FHOD3: variants seen among roughly 807,000 people sequenced by gnomAD.
FHOD3 encodes the protein FH1/FH2 domain-containing protein 3.
FHOD3 carries 90 observed loss-of-function variants against 173.0 expected under a neutral mutation model. That is an observed-to-expected ratio of 0.52 (90% CI 0.44 to 0.62). FHOD3 has a LOEUF of 0.62. Among genes scored for constraint, FHOD3 ranks in the 20% least tolerant of loss-of-function variants. The pLI is 0.00. For missense variants in FHOD3, 1,945 were observed against 2,034.7 expected (o/e 0.96, Z 0.85); for synonymous variants, 828 against 823.0 (o/e 1.01, Z -0.10).
chr18:36,576,644 T>C (rs1469856040), intron 6 of FHOD3, 99 bp downstream of exon 6: 1 of 882,124 alleles, frequency 1.1e-6, no homozygotes, highest in East Asian at 2.7e-5. Context: ...TTTATTCAGC[T>C]TTTTTCAAGC....
At chr18:36,312,696 CA>C (rs1281840031) in intron 1 of FHOD3, among the ~76,000 whole-genome samples, 2 of 152,122 alleles carry the variant, frequency 1.3e-5, no homozygotes, top group Non-Finnish European at 2.9e-5. Context: ...GGAAAGTGCT[CA>C]ATAAATATTT....
chr18:36,368,101 T>TTCTC (rs146735866), intron 2 of FHOD3, among the ~76,000 whole-genome samples: 24 of 149,338 alleles, frequency 1.6e-4, no homozygotes, highest in Non-Finnish European at 1.9e-4. Flanking sequence ...CCAGCTCCTA[T>TTCTC]TCTCTCTCTC....
chr18:36,647,277 AT>A (rs562202965), intron 10 of FHOD3, among the ~76,000 whole-genome samples: 1 of 152,212 alleles, frequency 6.6e-6, no homozygotes, highest in East Asian at 1.9e-4. Context: ...AAAAAAATTC[AT>A]TTTTTTAATG....
intron 3 of FHOD3, among the ~76,000 whole-genome samples, chr18:36,451,528 C>T (rs2051843267): frequency 1.3e-5 from 2 of 152,256 alleles, no homozygotes; most frequent in Non-Finnish European, 2.9e-5. Context: ...TGCCCTTTCT[C>T]CCAGCCTCTG....
chr18:36,647,085 A>T (rs2035738758), intron 10 of FHOD3, among the ~76,000 whole-genome samples: 1 of 152,138 alleles, frequency 6.6e-6, no homozygotes, highest in South Asian at 2.1e-4. Context: ...AAATAATAAT[A>T]CAAAAAATTA....
intron 9 of FHOD3, among the ~76,000 whole-genome samples, chr18:36,614,621 A>G (rs970064475): frequency 2.0e-5 from 3 of 152,170 alleles, no homozygotes; most frequent in Admixed American, 6.5e-5. Flanking sequence ...CCAGCACTGT[A>G]TAAGGATTCC....
At chr18:36,576,788 G>T (rs1382133277) in intron 6 of FHOD3, among the ~76,000 whole-genome samples, 1 of 152,010 alleles carries the variant, frequency 6.6e-6, no homozygotes, top group Non-Finnish European at 1.5e-5. Context: ...GGAACCTTCG[G>T]TTTTTAATAT....
chr18:36,532,784 C>T (rs893807352), intron 5 of FHOD3, among the ~76,000 whole-genome samples: 2 of 152,178 alleles, frequency 1.3e-5, no homozygotes, highest in African/African-American at 4.8e-5. Flanking sequence ...TCCAGTTTTA[C>T]CTGTTTGAGA....
At chr18:36,329,602 G>A (rs1169635858) in intron 1 of FHOD3, among the ~76,000 whole-genome samples, 1 of 152,188 alleles carries the variant, frequency 6.6e-6, no homozygotes. Context: ...GGGGTAGGGT[G>A]GGGTGGTGAT....
chr18:36,709,652 G>C (rs1481402409), intron 18 of FHOD3: 7 of 447,984 alleles, frequency 1.6e-5, no homozygotes, highest in Non-Finnish European at 2.8e-5. Flanking sequence ...GGGGAAAAGG[G>C]CCCCGATAAG....
chr18:36,467,560 TC>T (rs1310198446), intron 3 of FHOD3, among the ~76,000 whole-genome samples: 1 of 149,108 alleles, frequency 6.7e-6, no homozygotes, highest in African/African-American at 2.5e-5. Flanking sequence ...GCGAAGGGGG[TC>T]AAGGGCAAAT....
intron 17 of FHOD3, among the ~76,000 whole-genome samples, chr18:36,695,740 G>A (rs1388837175): frequency 1.3e-5 from 2 of 152,214 alleles, no homozygotes; most frequent in South Asian, 2.1e-4. Flanking sequence ...CTGCTTTGTA[G>A]ACATTGGCCT....
chr18:36,704,047 T>C (rs2149607193), intron 17 of FHOD3, among the ~76,000 whole-genome samples: 1 of 152,280 alleles, frequency 6.6e-6, no homozygotes, highest in Non-Finnish European at 1.5e-5. Context: ...CAGTACCCTG[T>C]TATGTCTCTT....
At chr18:36,486,249 T>C (rs1218698778) in intron 3 of FHOD3, among the ~76,000 whole-genome samples, 5 of 152,184 alleles carry the variant, frequency 3.3e-5, no homozygotes, top group African/African-American at 1.2e-4. Context: ...TCACAACATA[T>C]GGGGGCTACA....
chr18:36,693,595 C>T (rs867220277), intron 17 of FHOD3, among the ~76,000 whole-genome samples, 172 bp downstream of exon 17: 4 of 152,118 alleles, frequency 2.6e-5, no homozygotes, highest in Middle Eastern at 3.2e-3. Flanking sequence ...ACAAACTAGA[C>T]GTCTTCAGAG....
intron 1 of FHOD3, among the ~76,000 whole-genome samples, chr18:36,325,306 G>T (rs1042145543): frequency 6.6e-6 from 1 of 152,060 alleles, no homozygotes; most frequent in African/African-American, 2.4e-5. Flanking sequence ...TTCTACACGT[G>T]TTATACTTAA....
chr18:36,607,205 ATC>A (rs1172763072), intron 8 of FHOD3, among the ~76,000 whole-genome samples: 5 of 152,098 alleles, frequency 3.3e-5, no homozygotes, highest in Non-Finnish European at 7.4e-5. Flanking sequence ...CTTCTTTTAG[ATC>A]TAGGTTGAGG....
At chr18:36,618,582 G>C (rs1287988374) in intron 9 of FHOD3, among the ~76,000 whole-genome samples, 2 of 152,080 alleles carry the variant, frequency 1.3e-5, no homozygotes, top group Non-Finnish European at 2.9e-5. Context: ...AAAGTACTAG[G>C]ATTACAGGCG....
rs142900451 is a variant in FHOD3 at position 36,754,976 on chromosome 18, TTTATTATTATTA to T, written c.4233-113_4233-102del. On this transcript the variant is annotated intron_variant, in intron 24 of 28. Coordinates refer to ENST00000590592, the MANE Select transcript of FHOD3 (RefSeq NM_001281740.3). ...ACTGAGAGTGTGGCTTGTTGGTTTC[TTTATTATTATTA>T]TTATTATTATTATTATTATTATTAT... is the stretch of plus-strand genomic sequence containing the variant. The T allele has an allele frequency of 3.9e-3, 648 of 168,260 alleles. 3 individuals carry two copies. The highest frequency in any genetic ancestry group is 4.7e-3 in the Non-Finnish European group (405 of 86,732). The allele number at this position is 168,260 out of a possible 1,614,324, so 10.4% of individuals were successfully genotyped here. A position where few individuals can be genotyped will look rare whatever the true frequency, so the allele number is the denominator to read the frequency against.
Sources: gnomAD v4.1 joint callset for allele counts (sites outside exome capture counted in the v4.1 genomes callset) on GRCh38, gnomAD v4.1.1 for gene constraint, MANE v1.5 for transcripts, NCBI Gene and HGNC (gene_info 2026-07-23, HGNC 2026-07-21) for gene names.